PTPN14: variants seen among roughly 807,000 people sequenced by gnomAD.
PTPN14 encodes the protein tyrosine-protein phosphatase non-receptor type 14.
Under a neutral mutation model 126.8 loss-of-function variants are expected in PTPN14, and 53 were observed. The observed-to-expected ratio is 0.42, with a 90% CI of 0.34 to 0.53. PTPN14 has a LOEUF of 0.53. Ranked by LOEUF, PTPN14 falls within the 20% of genes least tolerant of loss-of-function variation. The pLI is 0.08. For missense variants in PTPN14, 1,257 were observed against 1,552.9 expected (o/e 0.81, Z 3.20); for synonymous variants, 630 against 599.3 (o/e 1.05, Z -0.75).
chr1:214,510,102 G>A (rs1654936686), intron 1 of PTPN14, among the ~76,000 whole-genome samples: 1 of 152,152 alleles, frequency 6.6e-6, no homozygotes. Context: ...ATATTGTTGT[G>A]TCTCAGGGAA....
Position 214,352,882 on chromosome 1 carries a change from T to C in PTPN14, c.*5040A>G, listed in dbSNP as rs1657731651. ...ATAATAAAACACAGCAGCAGAATAA[T>C]TGTTGGTAAAACATGGGAATGCTCA... On this transcript the variant is annotated 3_prime_UTR_variant, in exon 19 of 19. Transcript: ENST00000366956. 6.6e-6 allele frequency: 1 copy of C among 152,158 alleles called. No homozygotes were observed. Among genetic ancestry groups the C allele is most frequent in the Non-Finnish European group, 1.5e-5 (1 of 68,028 alleles). The allele number at this position is 152,158 out of a possible 1,614,324, so 9.4% of individuals were successfully genotyped here.
intron 1 of PTPN14, chr1:214,532,827 C>T (rs1655588988): frequency 7.7e-6 from 7 of 908,884 alleles, no homozygotes; most frequent in South Asian, 5.2e-5. Context: ...TGAAGAACCA[C>T]AAAGATGAAC....
chr1:214,513,637 C>A (rs1199308968), intron 1 of PTPN14, among the ~76,000 whole-genome samples: 2 of 152,114 alleles, frequency 1.3e-5, no homozygotes, highest in African/African-American at 2.4e-5. Context: ...GGATTTTTAA[C>A]CTGCATTCCA....
chr1:214,534,762 G>A lies in PTPN14; in HGVS notation c.-155+16421C>T, dbSNP rs974000303. 8.6e-5 allele frequency among the ~76,000 whole-genome samples: 10 copies of A among 115,868 alleles called. No individual in the cohort carries two copies. In the East Asian group the frequency reaches 2.2e-3, roughly 25 times the overall value. 76.0% of individuals were successfully genotyped at this position (115,868 alleles called of 152,430 possible). A position where few individuals can be genotyped will look rare whatever the true frequency, so the allele number is the denominator to read the frequency against. ...AATAAAAGACGGAATTATTGATCCC[G>A]AATCTTTGCTCCCTTCCTATAAGAT... On this transcript the variant is annotated intron_variant, in intron 1 of 18. Transcript: ENST00000366956.
chr1:214,394,290 A>G (rs1195786325), intron 9 of PTPN14, among the ~76,000 whole-genome samples: 1 of 152,238 alleles, frequency 6.6e-6, no homozygotes, highest in East Asian at 1.9e-4. Context: ...GAGGGCTGTA[A>G]CTAGAGTGCT....
At chr1:214,476,068 C>T (rs1660860455) in intron 1 of PTPN14, among the ~76,000 whole-genome samples, 1 of 152,134 alleles carries the variant, frequency 6.6e-6, no homozygotes, top group Non-Finnish European at 1.5e-5. Context: ...GTGGAGGGGG[C>T]CCTGAGGCTG....
At chr1:214,548,254 C>A (rs902570604) in intron 1 of PTPN14, among the ~76,000 whole-genome samples, 2 of 152,184 alleles carry the variant, frequency 1.3e-5, no homozygotes, top group African/African-American at 4.8e-5. Context: ...AAACCTGGAC[C>A]GCCTGCTCCA....
At chr1:214,417,706 G>A (rs1571986979) in intron 3 of PTPN14, among the ~76,000 whole-genome samples, 2 of 152,166 alleles carry the variant, frequency 1.3e-5, no homozygotes, top group African/African-American at 4.8e-5. Flanking sequence ...GCTTCTCAGA[G>A]TGAGCAGGTC....
chr1:214,532,581 C>T (rs1655581414), intron 1 of PTPN14: 16 of 1,052,758 alleles, frequency 1.5e-5, no homozygotes, highest in East Asian at 2.4e-5. Flanking sequence ...TCAAGATCAT[C>T]GAGGACCTGA....
chr1:214,445,864 A>T (rs1346078050), intron 3 of PTPN14, among the ~76,000 whole-genome samples: 1 of 152,166 alleles, frequency 6.6e-6, no homozygotes, highest in Non-Finnish European at 1.5e-5. Flanking sequence ...GTCCAGAAAA[A>T]TGTGAAAACC....
chr1:214,472,414 C>T (rs61819629), intron 1 of PTPN14, among the ~76,000 whole-genome samples: 11,271 of 152,232 alleles, frequency 0.074, 511 homozygotes, highest in South Asian at 0.12. Flanking sequence ...AGAGCAGATG[C>T]TGGTGCCATG....
intron 1 of PTPN14, among the ~76,000 whole-genome samples, chr1:214,537,212 T>C (rs80015880): frequency 0.059 from 8,969 of 152,294 alleles, 900 homozygotes; most frequent in African/African-American, 0.21. Flanking sequence ...CTATATTCCC[T>C]AGTTTAAAGA....
chr1:214,401,218 AG>A (rs1659008368), intron 7 of PTPN14, among the ~76,000 whole-genome samples: 1 of 152,216 alleles, frequency 6.6e-6, no homozygotes, highest in Non-Finnish European at 1.5e-5. Context: ...AGGAACCCAC[AG>A]GGGAGGGCCC....
chr1:214,364,696 T>C lies in PTPN14; in HGVS notation c.3272-21A>G, dbSNP rs1209328790. On this transcript the variant is annotated intron_variant, in intron 17 of 18. Coordinates refer to ENST00000366956, the MANE Select transcript of PTPN14 (RefSeq NM_005401.5). The surrounding 1 kb of genome is among the most constrained non-coding windows in gnomAD (Gnocchi z 4.1). ...GTAGGCTGCAGGACAAAATGCAAATTCTGTCACCAAAGTCCTCCATGGCTT... is the reference window on the plus strand; with the variant it reads ...GTAGGCTGCAGGACAAAATGCAAATCCTGTCACCAAAGTCCTCCATGGCTT... 1 of 1,603,366 alleles carries C rather than the reference T, an allele frequency of 6.2e-7. No individual in the cohort carries two copies. The highest frequency in any genetic ancestry group is 1.3e-5 in the African/African-American group (1 of 74,438).
At chr1:214,524,210 C>T (rs943684137) in intron 1 of PTPN14, among the ~76,000 whole-genome samples, 1 of 152,084 alleles carries the variant, frequency 6.6e-6, no homozygotes, top group Non-Finnish European at 1.5e-5. Flanking sequence ...CAGCTGAGAA[C>T]TAAAGCACCA....
chr1:214,462,102 G>A (rs1660526402), intron 2 of PTPN14, among the ~76,000 whole-genome samples: 1 of 152,120 alleles, frequency 6.6e-6, no homozygotes, highest in African/African-American at 2.4e-5. Flanking sequence ...TATCTGTCAT[G>A]GAAGGAAAGC....
intron 17 of PTPN14, among the ~76,000 whole-genome samples, chr1:214,366,330 T>C (rs1658080807): frequency 6.6e-6 from 1 of 152,224 alleles, no homozygotes; most frequent in African/African-American, 2.4e-5. Flanking sequence ...GAGTATTCTA[T>C]CTGACCAAAG....
At chr1:214,512,434 C>T (rs1005474011) in intron 1 of PTPN14, among the ~76,000 whole-genome samples, 5 of 152,134 alleles carry the variant, frequency 3.3e-5, no homozygotes, top group African/African-American at 9.7e-5. Context: ...GTACAACTGA[C>T]ACAATCAGTC....
intron 3 of PTPN14, among the ~76,000 whole-genome samples, chr1:214,445,742 AAAGCAGT>A (rs1660129443): frequency 6.6e-6 from 1 of 152,110 alleles, no homozygotes; most frequent in Admixed American, 6.5e-5. Context: ...ACCTAAACTA[AAAGCAGT>A]GATCTTGGCC....
Sources: allele counts gnomAD v4.1 joint callset (sites outside exome capture counted in the v4.1 genomes callset), GRCh38; gene constraint gnomAD v4.1.1; non-coding constraint Gnocchi (gnomAD v3.1); transcripts MANE v1.5; gene names NCBI Gene and HGNC (gene_info 2026-07-23, HGNC 2026-07-21).